PRKN: variants seen among roughly 807,000 people sequenced by gnomAD.
PRKN encodes the protein parkin RBR E3 ubiquitin protein ligase.
PRKN carries 56 observed loss-of-function variants against 59.5 expected under a neutral mutation model. That is an observed-to-expected ratio of 0.94 (90% CI 0.76 to 1.18). PRKN has a LOEUF of 1.18. PRKN is among the 50% of genes most tolerant of loss of function. PRKN has a pLI of 0.00. For missense variants in PRKN, 657 were observed against 596.4 expected (o/e 1.10, Z -1.06); for synonymous variants, 250 against 222.1 (o/e 1.13, Z -1.12).
intron 2 of PRKN, among the ~76,000 whole-genome samples, chr6:162,296,820 G>A (rs115183929): frequency 0.028 from 4,238 of 152,200 alleles, 188 homozygotes; most frequent in African/African-American, 0.091. Context: ...TAATCAGAAT[G>A]TCTTCAGCTA....
At chr6:162,561,091 G>A (rs1005904022) in intron 1 of PRKN, among the ~76,000 whole-genome samples, 2 of 152,158 alleles carry the variant, frequency 1.3e-5, no homozygotes, top group Non-Finnish European at 2.9e-5. Flanking sequence ...AGAAATCCAT[G>A]GAGCGTGTCC....
intron 2 of PRKN, among the ~76,000 whole-genome samples, chr6:162,413,348 G>C (rs573777604): frequency 1.3e-5 from 2 of 152,122 alleles, no homozygotes; most frequent in African/African-American, 4.8e-5. Flanking sequence ...AGTTATGAGG[G>C]AGCGGTCTAC....
chr6:162,410,733 G>A (rs1258067714), intron 2 of PRKN, among the ~76,000 whole-genome samples: 1 of 152,134 alleles, frequency 6.6e-6, no homozygotes, highest in African/African-American at 2.4e-5. Context: ...TCTCATCCAG[G>A]AGGCTTTTCC....
chr6:161,629,197 G>A (rs1265994037), intron 7 of PRKN, among the ~76,000 whole-genome samples: 2 of 152,080 alleles, frequency 1.3e-5, no homozygotes, highest in African/African-American at 4.8e-5. Context: ...GAAGGCGTTT[G>A]CTCAAAAATG....
chr6:161,658,889 T>G (rs925782465), intron 7 of PRKN, among the ~76,000 whole-genome samples: 1 of 152,222 alleles, frequency 6.6e-6, no homozygotes, highest in Non-Finnish European at 1.5e-5. Flanking sequence ...GTGTGACAAT[T>G]CATTGTTTTA....
intron 1 of PRKN, among the ~76,000 whole-genome samples, chr6:162,585,012 T>C (rs893488044): frequency 1.3e-5 from 2 of 150,422 alleles, no homozygotes; most frequent in Non-Finnish European, 3.0e-5. Flanking sequence ...GTGATTCTCC[T>C]GCCTCAGCCT....
chr6:162,388,107 T>C (rs1012119062), intron 2 of PRKN, among the ~76,000 whole-genome samples: 1 of 152,196 alleles, frequency 6.6e-6, no homozygotes, highest in African/African-American at 2.4e-5. Context: ...GAAGGCTGAA[T>C]TCATGCAATT....
intron 3 of PRKN, among the ~76,000 whole-genome samples, chr6:162,258,995 A>G (rs1164928493): frequency 1.3e-5 from 2 of 152,196 alleles, no homozygotes; most frequent in African/African-American, 4.8e-5. Context: ...GCTACAGCCC[A>G]GCTATTCACC....
intron 1 of PRKN, among the ~76,000 whole-genome samples, chr6:162,448,334 G>A (rs1468484010): frequency 6.6e-6 from 1 of 152,000 alleles, no homozygotes; most frequent in Non-Finnish European, 1.5e-5. Context: ...ACCCTCCTGC[G>A]ATTACTACCC....
At chr6:162,627,517 C>A (rs965107791) in intron 1 of PRKN, among the ~76,000 whole-genome samples, 1 of 151,900 alleles carries the variant, frequency 6.6e-6, no homozygotes, top group Non-Finnish European at 1.5e-5. Context: ...ATTTCTTTTT[C>A]TTTATTTAAG....
intron 3 of PRKN, among the ~76,000 whole-genome samples, chr6:162,233,672 G>C (rs769968010): frequency 6.6e-6 from 1 of 152,142 alleles, no homozygotes; most frequent in Non-Finnish European, 1.5e-5. Flanking sequence ...AGAAATACTG[G>C]ACGTGTCCGC....
chr6:161,998,501 G>A (rs2128261597), intron 5 of PRKN, among the ~76,000 whole-genome samples: 1 of 152,134 alleles, frequency 6.6e-6, no homozygotes, highest in African/African-American at 2.4e-5. Flanking sequence ...ATCTGACAAA[G>A]ATAAAATGAG....
intron 4 of PRKN, among the ~76,000 whole-genome samples, chr6:162,119,953 G>A (rs1035304558): frequency 6.6e-5 from 10 of 152,140 alleles, no homozygotes; most frequent in South Asian, 2.1e-4. Context: ...GACTAAGAGG[G>A]GAGAAAGTTA....
chr6:161,437,292 T>C (rs1210666476), intron 9 of PRKN, among the ~76,000 whole-genome samples: 1 of 152,150 alleles, frequency 6.6e-6, no homozygotes, highest in Admixed American at 6.5e-5. Context: ...GGCTACTAAG[T>C]GACTTCTGGG....
At chr6:161,935,325 G>T (rs1169660372) in intron 6 of PRKN, among the ~76,000 whole-genome samples, 1 of 151,982 alleles carries the variant, frequency 6.6e-6, no homozygotes, top group Non-Finnish European at 1.5e-5. Flanking sequence ...GGCCAAGGAG[G>T]GTGAATTGCT....
At chr6:162,458,723 T>C (rs1180594567) in intron 1 of PRKN, among the ~76,000 whole-genome samples, 1 of 151,146 alleles carries the variant, frequency 6.6e-6, no homozygotes, top group Non-Finnish European at 1.5e-5. Flanking sequence ...CATGCAACAA[T>C]AGGATAAATT....
chr6:161,589,588 T>G (rs1458517724), intron 7 of PRKN, among the ~76,000 whole-genome samples: 1 of 151,974 alleles, frequency 6.6e-6, no homozygotes, highest in Admixed American at 6.6e-5. Flanking sequence ...GGAAAATACA[T>G]GTAAGGCACA....
rs548814471 is a variant in PRKN, at chr6:161,815,016, C to T, written c.735-29108G>A. Among the ~76,000 whole-genome samples the T allele has an allele frequency of 7.9e-5, 12 of 152,162 alleles. No homozygotes were observed. In the East Asian group the frequency reaches 1.4e-3, roughly 17 times the overall value. On this transcript the variant is annotated intron_variant, in intron 6 of 11. Coordinates refer to ENST00000366898, the MANE Select transcript of PRKN (RefSeq NM_004562.3). ...TCTGAATTTATGGGTCTTTGAGGTA[C>T]TTTTATGACAATGAGAAAAACTCTC...
chr6:162,392,739 T>C (rs560501868), intron 2 of PRKN, among the ~76,000 whole-genome samples: 2 of 152,346 alleles, frequency 1.3e-5, no homozygotes, highest in South Asian at 2.1e-4. Flanking sequence ...TGTAAGCTCC[T>C]TGAAGTAATT....
Sources: gnomAD v4.1 joint callset for allele counts (sites outside exome capture counted in the v4.1 genomes callset) on GRCh38, gnomAD v4.1.1 for gene constraint, MANE v1.5 for transcripts, NCBI Gene and HGNC (gene_info 2026-07-23, HGNC 2026-07-21) for gene names.